The following NOSTRIN variants were observed in gnomAD, a reference collection of about 807,000 sequenced individuals.
NOSTRIN encodes the protein BM247 homolog.
Under a neutral mutation model 59.0 loss-of-function variants are expected in NOSTRIN, and 63 were observed. The observed-to-expected ratio is 1.07, with a 90% confidence interval of 0.87 to 1.32. The LOEUF (loss-of-function observed/expected upper bound fraction) is 1.32, where lower values mean the gene tolerates loss of function less well. Among genes scored for constraint, NOSTRIN ranks in the 40% most tolerant of loss-of-function variants. NOSTRIN has a pLI of 0.00. For missense variants in NOSTRIN, 512 were observed against 473.1 expected, an observed-to-expected ratio of 1.08 and a Z score of -0.76; for synonymous variants, 200 against 165.4, an observed-to-expected ratio of 1.21 and a Z score of -1.61.
chr2:168,809,923 G>A (rs1271156582), intron 1 of NOSTRIN, among the ~76,000 whole-genome samples: 2 of 151,988 alleles, frequency 1.3e-5, no homozygotes, highest in African/African-American at 4.8e-5. Context: ...AGTGTGTTTT[G>A]TTTACACTGC....
rs1293895932 is a variant in NOSTRIN, at chr2:168,842,997, C to T, written c.510C>T (p.Leu170=). 1 of 872,180 alleles carries T rather than the reference C, an allele frequency of 1.1e-6. No homozygotes were observed. Among genetic ancestry groups the T allele is most frequent in the Admixed American group, 1.7e-5 (1 of 58,980 alleles). 54.0% of individuals were successfully genotyped at this position (872,180 alleles called of 1,614,324 possible). The change falls in exon 8 of 16, where the codon CTC becomes CTT. Residue 170 remains leucine (L), a synonymous_variant. Transcript: ENST00000317647. ...ACATTGATGTTTTACATTAGCTCCT[C>T]AATAAACTGACAAAATCAACTGAAA... The part of the protein sequence containing the change: ...SMTEKEKRKL[L]NKLTKSTEKL...
chr2:168,858,051 CTG>C (rs1689228801), intron 12 of NOSTRIN, among the ~76,000 whole-genome samples: 1 of 152,226 alleles, frequency 6.6e-6, no homozygotes, highest in Non-Finnish European at 1.5e-5. Flanking sequence ...ATAAAACAGA[CTG>C]TAGGACATTT....
chr2:168,834,424 C>T (rs1488196467), intron 7 of NOSTRIN, 99 bp downstream of exon 7: 5 of 681,804 alleles, frequency 7.3e-6, no homozygotes, highest in Non-Finnish European at 1.3e-5. Context: ...TCCTCCTTCT[C>T]TGTGGGATTC....
chr2:168,849,504 C>T (rs937120853), intron 8 of NOSTRIN, among the ~76,000 whole-genome samples: 8 of 151,626 alleles, frequency 5.3e-5, no homozygotes, highest in Admixed American at 5.3e-4. Context: ...GACAGGCGCC[C>T]GCCACCAGGC....
intron 8 of NOSTRIN, among the ~76,000 whole-genome samples, chr2:168,845,314 G>A (rs1688347564): frequency 6.6e-6 from 1 of 152,134 alleles, no homozygotes; most frequent in Admixed American, 6.5e-5. Flanking sequence ...TTCCTTGGAT[G>A]GCCCTGTTAG....
chr2:168,802,726 G>T (rs1685659087), intron 1 of NOSTRIN, 53 bp downstream of exon 1: 3 of 854,730 alleles, frequency 3.5e-6, no homozygotes, highest in East Asian at 4.8e-5. Context: ...GTGGAGGGTG[G>T]ATTTGTATAT....
At chr2:168,864,769 TATCA>T (rs999880231) in intron 15 of NOSTRIN, 61 bp from the exon 16 acceptor site, 6 of 1,579,672 alleles carry the variant, frequency 3.8e-6, no homozygotes, top group African/African-American at 2.7e-5. Flanking sequence ...TTAAAACTCT[TATCA>T]ATCGGGCTGA....
intron 10 of NOSTRIN, among the ~76,000 whole-genome samples, chr2:168,854,855 T>C (rs1325485314): frequency 6.6e-6 from 1 of 152,174 alleles, no homozygotes; most frequent in Admixed American, 6.5e-5. Context: ...CCTAACTAAA[T>C]CATAAACCCA....
intron 5 of NOSTRIN, among the ~76,000 whole-genome samples, chr2:168,831,040 G>T (rs1249405290): frequency 6.6e-6 from 1 of 152,192 alleles, no homozygotes; most frequent in Admixed American, 6.5e-5. Context: ...AATAGTGATT[G>T]ATAAGCTAGT....
At chr2:168,819,921 A>C (rs1686634744) in intron 2 of NOSTRIN, among the ~76,000 whole-genome samples, 1 of 151,950 alleles carries the variant, frequency 6.6e-6, no homozygotes, top group South Asian at 2.1e-4. Context: ...CTATCCCCCA[A>C]ATGCCTTGCA....
chr2:168,819,565 G>A (rs1003768317), intron 2 of NOSTRIN, among the ~76,000 whole-genome samples: 2 of 152,172 alleles, frequency 1.3e-5, no homozygotes, highest in Admixed American at 1.3e-4. Flanking sequence ...GAGAGGTTTC[G>A]TTATAACTGT....
chr2:168,859,733 T>C lies in NOSTRIN; in HGVS notation c.1179+96T>C. 4.9e-6 allele frequency: 7 copies of C among 1,426,754 alleles called. No individual in the cohort carries two copies. In the South Asian group the frequency reaches 6.9e-5, roughly 14 times the overall value. 88.4% of individuals were successfully genotyped at this position (1,426,754 alleles called of 1,614,324 possible). A position where few individuals can be genotyped will look rare whatever the true frequency, so the allele number is the denominator to read the frequency against. ...AGGGCAAAAAAGGTGTTAGGAATTC[T>C]ATGTGATATTAATATTCATGCAGTT... is the stretch of plus-strand genomic sequence containing the variant. On this transcript the variant is annotated intron_variant, in intron 13 of 15. Transcript: ENST00000317647.
chr2:168,839,921 A>ATGTG lies in NOSTRIN; in HGVS notation c.505-3055_505-3052dup, dbSNP rs112687215. ...AAAAAATATATATATATATATATATATGTGTGTGTGTGTGTGTGTATGAGT... is the reference window on the plus strand; with the variant it reads ...AAAAAATATATATATATATATATATATGTGTGTGTGTGTGTGTGTGTGTATGAGT... On this transcript the variant is annotated intron_variant, in intron 7 of 15. Transcript: ENST00000317647. 2.5e-5 allele frequency among the ~76,000 whole-genome samples: 2 copies of ATGTG among 78,522 alleles called. 1 individual carries two copies. The highest frequency in any genetic ancestry group is 4.2e-5 in the Non-Finnish European group (2 of 47,268). The allele number at this position is 78,522 out of a possible 152,430, so 51.5% of individuals were successfully genotyped here.
rs752342728 is a variant in NOSTRIN, at chr2:168,828,464, A to C, written c.305A>C (p.Tyr102Ser). 9.2e-6 allele frequency: 8 copies of C among 872,276 alleles called. No individual in the cohort carries two copies. The highest frequency in any genetic ancestry group is 1.6e-5 in the Non-Finnish European group (8 of 501,546). The allele number at this position is 872,276 out of a possible 1,614,324, so 54.0% of individuals were successfully genotyped here. A position where few individuals can be genotyped will look rare whatever the true frequency, so the allele number is the denominator to read the frequency against. ...AIELEAIKPT[Y>S]QVLNVQEKKR... ...GAATTGGAAGCAATAAAACCGACTT[A>C]TCAAGTCCTAAATGTACAAGAGAAG... Residue 102 changes from tyrosine (Y) to serine (S), a missense_variant, in exon 5 of 16, where the codon TAT becomes TCT. By Grantham distance (144) the Tyr-to-Ser change is moderately radical (BLOSUM62 -2). Coordinates refer to ENST00000317647, the MANE Select transcript of NOSTRIN (RefSeq NM_001039724.4).
At chr2:168,803,078 T>C (rs911933892) in intron 1 of NOSTRIN, among the ~76,000 whole-genome samples, 29 of 152,158 alleles carry the variant, frequency 1.9e-4, no homozygotes, top group Non-Finnish European at 4.0e-4. Context: ...AGGAGAGTTT[T>C]TGTGCCTTTT....
chr2:168,788,310 CCCTTCTCTT>C (rs1685257978), intron 2 of NOSTRIN, among the ~76,000 whole-genome samples: 2 of 151,738 alleles, frequency 1.3e-5, no homozygotes, highest in Admixed American at 1.3e-4. Context: ...CCATTCCTTT[CCCTTCTCTT>C]CCTGAACTGT....
At chr2:168,794,310 G>A (rs1277503886), upstream of NOSTRIN, among the ~76,000 whole-genome samples, 2 of 151,430 alleles carry the variant, frequency 1.3e-5, no homozygotes, top group East Asian at 3.9e-4. Flanking sequence ...GAGAGGAGCT[G>A]ACTTACAGAT....
chr2:168,837,236 C>A (rs1323938172), intron 7 of NOSTRIN, among the ~76,000 whole-genome samples: 1 of 150,730 alleles, frequency 6.6e-6, no homozygotes, highest in Non-Finnish European at 1.5e-5. Flanking sequence ...CATTCCTCTC[C>A]AGATATTGTC....
chr2:168,861,426 T>G (rs1309735126), intron 14 of NOSTRIN, among the ~76,000 whole-genome samples: 22 of 151,978 alleles, frequency 1.4e-4, no homozygotes, highest in Admixed American at 1.4e-3. Flanking sequence ...TGTACCTGCA[T>G]GTTCAAGTAT....
Sources: allele counts gnomAD v4.1 joint callset (sites outside exome capture counted in the v4.1 genomes callset), GRCh38; gene constraint gnomAD v4.1.1; transcripts MANE v1.5; gene names NCBI Gene and HGNC (gene_info 2026-07-23, HGNC 2026-07-21).